The following GALNTL6 variants were observed in gnomAD, a reference collection of about 807,000 sequenced individuals.
GALNTL6 encodes polypeptide N-acetylgalactosaminyltransferase like 6, also known as polypeptide N-acetylgalactosaminyltransferase-like 6.
A neutral mutation model predicts 73.7 loss-of-function variants in GALNTL6; 46 were observed. That is an observed-to-expected ratio of 0.62 (90% CI 0.49 to 0.80). The LOEUF (loss-of-function observed/expected upper bound fraction) is 0.80. Ranked by LOEUF, GALNTL6 falls within the 30% of genes least tolerant of loss-of-function variation. The pLI, the probability that GALNTL6 is intolerant of heterozygous loss-of-function variation, is 0.00. For missense variants in GALNTL6, 604 were observed against 755.0 expected, an observed-to-expected ratio of 0.80 and a Z score of 2.34; for synonymous variants, 259 against 263.7, an observed-to-expected ratio of 0.98 and a Z score of 0.17.
At chr4:172,341,375 C>T (rs1052467434) in intron 4 of GALNTL6, among the ~76,000 whole-genome samples, 2 of 146,834 alleles carry the variant, frequency 1.4e-5, no homozygotes, top group African/African-American at 5.1e-5. Flanking sequence ...GGCGTGAACC[C>T]GGGAGGCGGA....
At chr4:172,361,864 T>C (rs1215446915) in intron 5 of GALNTL6, among the ~76,000 whole-genome samples, 1 of 152,198 alleles carries the variant, frequency 6.6e-6, no homozygotes, top group East Asian at 1.9e-4. Context: ...ACTAGCTGTG[T>C]GCTCATGAAC....
intron 2 of GALNTL6, among the ~76,000 whole-genome samples, chr4:172,112,128 A>G (rs1732868445): frequency 6.6e-6 from 1 of 152,012 alleles, no homozygotes; most frequent in Admixed American, 6.6e-5. Flanking sequence ...TGTTTTTTCC[A>G]AAATGTCATA....
intron 12 of GALNTL6, among the ~76,000 whole-genome samples, chr4:173,032,282 T>C (rs1000965647): frequency 5.9e-5 from 9 of 152,092 alleles, no homozygotes; most frequent in African/African-American, 2.2e-4. Context: ...ACCCCGTCTC[T>C]ACTAAAAATA....
chr4:172,006,783 G>A (rs751907815), intron 2 of GALNTL6, among the ~76,000 whole-genome samples: 6 of 151,426 alleles, frequency 4.0e-5, no homozygotes, highest in African/African-American at 9.7e-5. Flanking sequence ...AGTTCATCAC[G>A]GCATACATGA....
In GALNTL6 at chr4:172,533,700, G is replaced by A. The variant is rs565446299; in HGVS notation, c.553+185011G>A. Among the ~76,000 whole-genome samples, 7 of 152,208 alleles carry A rather than the reference G, an allele frequency of 4.6e-5. No individual in the cohort carries two copies. In the South Asian group the frequency reaches 1.5e-3, roughly 32 times the overall value. ...GTTTAAGCACAAGGCCCAAGTCACA[G>A]ACTAAACTATAAGTTAGGTCATCAG... On this transcript the variant is annotated intron_variant, in intron 5 of 12. Transcript: ENST00000506823.
intron 7 of GALNTL6, among the ~76,000 whole-genome samples, chr4:172,882,036 A>G (rs1045089036): frequency 1.3e-5 from 2 of 152,056 alleles, no homozygotes; most frequent in African/African-American, 2.4e-5. Context: ...AAAAAAAAAA[A>G]TAAACAAGAG....
At position 172,599,789 on chromosome 4, in the gene GALNTL6, C is replaced by T. The variant is rs534812538; in HGVS notation, c.554-209572C>T. On this transcript the variant is annotated intron_variant, in intron 5 of 12. Coordinates refer to ENST00000506823, the MANE Select transcript of GALNTL6 (RefSeq NM_001034845.3). ...TTTGACATTAAAAGTAAGGGGAAAA[C>T]CTTCAATGACTTTTGTACCAACGAG... 5.3e-5 allele frequency among the ~76,000 whole-genome samples: 8 copies of T among 152,094 alleles called. No homozygotes were observed. In the South Asian group the frequency reaches 1.2e-3, roughly 24 times the overall value.
chr4:171,929,921 G>A (rs754454937), intron 2 of GALNTL6, among the ~76,000 whole-genome samples: 3 of 152,168 alleles, frequency 2.0e-5, no homozygotes, highest in Non-Finnish European at 4.4e-5. Context: ...CCCAACAGCC[G>A]GGCCAATGTC....
intron 5 of GALNTL6, among the ~76,000 whole-genome samples, chr4:172,648,172 A>C (rs937455833): frequency 1.4e-4 from 22 of 152,238 alleles, no homozygotes; most frequent in African/African-American, 4.8e-4. Flanking sequence ...CAGACTGGCT[A>C]TCTGCTGGCT....
At chr4:171,837,534 A>G (rs909467027) in intron 2 of GALNTL6, among the ~76,000 whole-genome samples, 1 of 137,488 alleles carries the variant, frequency 7.3e-6, no homozygotes, top group Admixed American at 7.3e-5. Context: ...TTCATACTAA[A>G]TGGTTCAGAA....
chr4:172,989,982 G>A (rs1751468347), intron 10 of GALNTL6, among the ~76,000 whole-genome samples: 2 of 152,166 alleles, frequency 1.3e-5, no homozygotes, highest in Admixed American at 1.3e-4. Context: ...ATGATTGGAT[G>A]AATATCTCTC....
chr4:171,828,556 A>G (rs1190685839), intron 2 of GALNTL6, among the ~76,000 whole-genome samples: 1 of 152,156 alleles, frequency 6.6e-6, no homozygotes, highest in East Asian at 1.9e-4. Context: ...AACGAAACAA[A>G]CTTATGGTAT....
chr4:172,552,673 C>A (rs1735995729), intron 5 of GALNTL6, among the ~76,000 whole-genome samples: 1 of 151,130 alleles, frequency 6.6e-6, no homozygotes, highest in South Asian at 2.1e-4. Flanking sequence ...CTAAAGGTAT[C>A]AATTATCCCT....
At chr4:172,689,867 A>G (rs1235331039) in intron 5 of GALNTL6, among the ~76,000 whole-genome samples, 5 of 152,212 alleles carry the variant, frequency 3.3e-5, no homozygotes, top group Non-Finnish European at 5.9e-5. Flanking sequence ...ATGATAATGT[A>G]ACCAGACAAC....
chr4:172,570,783 C>A (rs919552526), intron 5 of GALNTL6, among the ~76,000 whole-genome samples: 5 of 152,178 alleles, frequency 3.3e-5, no homozygotes, highest in Admixed American at 3.3e-4. Flanking sequence ...AATAATTATA[C>A]AACTCACCCT....
At chr4:172,994,021 C>T (rs1751662988) in intron 10 of GALNTL6, among the ~76,000 whole-genome samples, 1 of 152,202 alleles carries the variant, frequency 6.6e-6, no homozygotes, top group Non-Finnish European at 1.5e-5. Context: ...ACTATCCACT[C>T]ATTGAATCTA....
rs773244264 is a variant in GALNTL6, at chr4:173,039,900, AAC to A, written c.1639-31_1639-30del. 38 of 1,575,262 alleles carry A rather than the reference AAC, an allele frequency of 2.4e-5. No homozygotes were observed. The African/African-American group carries it at 4.6e-4, about 19-fold the overall frequency. On this transcript the variant is annotated intron_variant, in intron 12 of 12. Transcript: ENST00000506823. ...GTTGTAACCATTCACCACGTATTAC[AAC>A]AGTCTTTTCTTTTCTTCCTCACTCC...
chr4:172,292,349 T>C (rs1335343408), intron 3 of GALNTL6, among the ~76,000 whole-genome samples: 1 of 152,066 alleles, frequency 6.6e-6, no homozygotes, highest in African/African-American at 2.4e-5. Flanking sequence ...TGAAGGCAAA[T>C]TTAGTGGCAG....
intron 2 of GALNTL6, among the ~76,000 whole-genome samples, chr4:171,839,678 CAA>C (rs35550994): frequency 7.9e-5 from 11 of 139,442 alleles, no homozygotes; most frequent in Admixed American, 7.2e-5. Context: ...AGGATTGCAG[CAA>C]AAAAAAAAAA....
Sources: gnomAD v4.1 joint callset for allele counts (sites outside exome capture counted in the v4.1 genomes callset) on GRCh38, gnomAD v4.1.1 for gene constraint, MANE v1.5 for transcripts, NCBI Gene and HGNC (gene_info 2026-07-23, HGNC 2026-07-21) for gene names.